Variants in PHKB observed in about 807,000 individuals in gnomAD.
PHKB encodes phosphorylase kinase regulatory subunit beta.
Under a neutral mutation model 152.1 loss-of-function variants are expected in PHKB, and 122 were observed. The observed-to-expected ratio is 0.80, with a 90% confidence interval of 0.69 to 0.93. The LOEUF (loss-of-function observed/expected upper bound fraction) is 0.93, where lower values mean the gene tolerates loss of function less well. Among genes scored for constraint, PHKB ranks in the 40% least tolerant of loss-of-function variants. PHKB has a pLI of 0.00. For synonymous variants in PHKB, 436 were observed against 464.9 expected (o/e 0.94, Z 0.80); for missense variants, 1,304 against 1,328.4 (o/e 0.98, Z 0.29).
At chr16:47,510,940 T>C (rs531902588) in intron 4 of PHKB, among the ~76,000 whole-genome samples, 28 of 152,222 alleles carry the variant, frequency 1.8e-4, no homozygotes, top group Non-Finnish European at 3.5e-4. Context: ...AGCACAGTAC[T>C]TGTCACATCA....
Position 47,547,567 on chromosome 16 carries a change from AG to A in PHKB, c.710+21del. The stretch of plus-strand genomic sequence containing the variant: ...ATTCGAGGTAATTTGCTGATTTCTG[AG>A]GTTTTTTTTTTAAATTAAATGTATG... On this transcript the variant is annotated intron_variant, in intron 7 of 30. Coordinates refer to ENST00000323584, the MANE Select transcript of PHKB (RefSeq NM_000293.3). 3.6e-6 allele frequency: 5 copies of A among 1,383,036 alleles called. No individual in the cohort carries two copies. Among genetic ancestry groups the A allele is most frequent in the Non-Finnish European group, 5.1e-6 (5 of 971,220 alleles). 85.7% of individuals were successfully genotyped at this position (1,383,036 alleles called of 1,614,324 possible).
intron 14 of PHKB, among the ~76,000 whole-genome samples, chr16:47,632,107 C>T (rs184206076): frequency 2.0e-5 from 3 of 152,308 alleles, no homozygotes; most frequent in Non-Finnish European, 4.4e-5. Flanking sequence ...AGACACTTCT[C>T]ACTGCCCCCT....
chr16:47,635,058 A>T (rs997407199), intron 14 of PHKB, among the ~76,000 whole-genome samples: 2 of 152,184 alleles, frequency 1.3e-5, no homozygotes, highest in Non-Finnish European at 2.9e-5. Flanking sequence ...GTAAAAGATC[A>T]TGGTTACTTT....
intron 6 of PHKB, among the ~76,000 whole-genome samples, chr16:47,536,195 T>A (rs1970949405): frequency 6.6e-6 from 1 of 152,028 alleles, no homozygotes; most frequent in Non-Finnish European, 1.5e-5. Context: ...GGGATTACAG[T>A]CATGTGCCAT....
At chr16:47,516,504 G>T (rs921958862) in intron 6 of PHKB, among the ~76,000 whole-genome samples, 3 of 152,148 alleles carry the variant, frequency 2.0e-5, no homozygotes, top group African/African-American at 7.2e-5. Context: ...GAGCAAAAAA[G>T]CTTTTATTGT....
intron 12 of PHKB, among the ~76,000 whole-genome samples, chr16:47,594,964 T>G (rs1972092612): frequency 6.6e-6 from 1 of 152,240 alleles, no homozygotes; most frequent in African/African-American, 2.4e-5. Flanking sequence ...GAGTAAATAC[T>G]TAATATTATA....
intron 7 of PHKB, chr16:47,561,464 A>G (rs1321846031): frequency 1.3e-5 from 2 of 152,256 alleles, no homozygotes; most frequent in African/African-American, 4.8e-5. Context: ...AAATTGTACA[A>G]GAGAAACCTT....
chr16:47,511,815 C>A, intron 5 of PHKB, 43 bp downstream of exon 5: 2 of 1,258,696 alleles, frequency 1.6e-6, no homozygotes, highest in Non-Finnish European at 2.3e-6. Context: ...TATTATATAG[C>A]ATAGAACAGT....
chr16:47,612,778 G>T (rs1567327367), intron 14 of PHKB, among the ~76,000 whole-genome samples: 1 of 152,182 alleles, frequency 6.6e-6, no homozygotes, highest in Non-Finnish European at 1.5e-5. Flanking sequence ...CAGCTTGGTT[G>T]TGGTGGTATA....
intron 7 of PHKB, among the ~76,000 whole-genome samples, chr16:47,550,200 A>G (rs1000593520): frequency 1.4e-4 from 21 of 152,300 alleles, no homozygotes; most frequent in Non-Finnish European, 3.1e-4. Flanking sequence ...CCATGTGCTC[A>G]CGGAGGTAGT....
chr16:47,598,068 G>C (rs1025318129), intron 13 of PHKB: 1 of 151,886 alleles, frequency 6.6e-6, no homozygotes, highest in African/African-American at 2.4e-5. Context: ...TTCAAATAAT[G>C]ACTAAAATAA....
At chr16:47,652,225 A>G (rs1160286519) in intron 20 of PHKB, among the ~76,000 whole-genome samples, 1 of 151,740 alleles carries the variant, frequency 6.6e-6, no homozygotes, top group African/African-American at 2.4e-5. Flanking sequence ...TTCTTTTCTT[A>G]CTATTTCAGC....
At chr16:47,499,349 A>G (rs1415508459) in intron 2 of PHKB, among the ~76,000 whole-genome samples, 1 of 152,228 alleles carries the variant, frequency 6.6e-6, no homozygotes, top group Non-Finnish European at 1.5e-5. Flanking sequence ...TACTAAATGT[A>G]TGCTACTCTT....
intron 1 of PHKB, among the ~76,000 whole-genome samples, chr16:47,484,404 A>G (rs912925624): frequency 6.6e-6 from 1 of 152,200 alleles, no homozygotes; most frequent in African/African-American, 2.4e-5. Context: ...TCATGGAGAA[A>G]CGTAGACTCT....
At chr16:47,540,141 A>G (rs1358156593) in intron 6 of PHKB, among the ~76,000 whole-genome samples, 1 of 152,102 alleles carries the variant, frequency 6.6e-6, no homozygotes, top group Non-Finnish European at 1.5e-5. Flanking sequence ...GGGAAGGTCT[A>G]TAAACGGCCA....
intron 7 of PHKB, among the ~76,000 whole-genome samples, chr16:47,553,320 C>T (rs1212180820): frequency 5.3e-5 from 8 of 151,958 alleles, no homozygotes; most frequent in African/African-American, 9.7e-5. Context: ...TCCGCTTGAT[C>T]GATTCGGCTC....
At chr16:47,601,133 C>T (rs1457457225) in intron 13 of PHKB, among the ~76,000 whole-genome samples, 1 of 152,174 alleles carries the variant, frequency 6.6e-6, no homozygotes, top group East Asian at 1.9e-4. Flanking sequence ...CAGAGGATCA[C>T]CTGAGCCCTG....
intron 28 of PHKB, among the ~76,000 whole-genome samples, chr16:47,693,870 T>C (rs540142846): frequency 1.3e-5 from 2 of 152,338 alleles, no homozygotes; most frequent in South Asian, 4.1e-4. Context: ...TTGAGCAAGC[T>C]GTCCTTCCTT....
intron 1 of PHKB, among the ~76,000 whole-genome samples, chr16:47,465,695 A>G (rs909072054): frequency 6.6e-6 from 1 of 152,168 alleles, no homozygotes; most frequent in Non-Finnish European, 1.5e-5. Flanking sequence ...TTAACTTTGC[A>G]TTGTGTTTTG....
Sources: gnomAD v4.1 joint callset for allele counts (sites outside exome capture counted in the v4.1 genomes callset) on GRCh38, gnomAD v4.1.1 for gene constraint, MANE v1.5 for transcripts, NCBI Gene and HGNC (gene_info 2026-07-23, HGNC 2026-07-21) for gene names.